Variants in CDKN2A observed in about 807,000 individuals in gnomAD.
CDKN2A encodes the protein cyclin-dependent kinase inhibitor 2A.
In CDKN2A, 3 loss-of-function variants were observed where a neutral mutation model predicts 11.1. The ratio of observed to expected loss-of-function variants is 0.27; its 90% confidence interval spans 0.12 to 0.70. The LOEUF is 0.70. Among genes scored for constraint, CDKN2A ranks in the 30% least tolerant of loss-of-function variants. CDKN2A has a pLI of 0.77. For synonymous variants in CDKN2A, 122 were observed against 108.1 expected (o/e 1.13, Z -0.80); for missense variants, 265 against 233.6 (o/e 1.13, Z -0.88).
At chr9:21,972,772 T>C (rs1819827637) in intron 1 of CDKN2A, among the ~76,000 whole-genome samples, 1 of 152,210 alleles carries the variant, frequency 6.6e-6, no homozygotes, top group African/African-American at 2.4e-5. Context: ...AATTTTAAAA[T>C]ACTGTCTGCA....
Position 21,968,445 on chromosome 9 carries a change from G to C in CDKN2A, c.458-203C>G, listed in dbSNP as rs1819517452. The stretch of plus-strand genomic sequence containing the variant: ...CAGCTAGTCCACTGCCCGCCTGGCT[G>C]CTCCAGGCGCGCCGACCGCTCAAGC... On this transcript the variant is annotated intron_variant, in intron 2 of 2. Transcript: ENST00000304494. This position sits in a 1 kb window ranked among gnomAD's most constrained non-coding sequence, Gnocchi z 4.7. 6.7e-7 allele frequency: 1 copy of C among 1,490,664 alleles called. No homozygotes were observed. The highest frequency in any genetic ancestry group is 8.9e-7 in the Non-Finnish European group (1 of 1,123,224). The allele number at this position is 1,490,664 out of a possible 1,614,324, so 92.3% of individuals were successfully genotyped here.
intron 1 of CDKN2A, chr9:21,994,400 G>A (rs778410708): frequency 1.7e-5 from 27 of 1,606,814 alleles, no homozygotes; most frequent in Admixed American, 3.3e-5. Context: ...GGTGAGCAGC[G>A]CCACTCCTGC....
intron 2 of CDKN2A, chr9:21,989,412 A>G (rs1425507197): frequency 7.2e-5 from 11 of 152,098 alleles, no homozygotes; most frequent in Non-Finnish European, 1.6e-4. Flanking sequence ...AAACATGGGG[A>G]AAGCTGCAAT....
intron 2 of CDKN2A, among the ~76,000 whole-genome samples, chr9:21,980,405 C>A (rs1820142800): frequency 6.6e-6 from 1 of 152,148 alleles, no homozygotes; most frequent in South Asian, 2.1e-4. Context: ...CTGGGATGGG[C>A]ATGTGACTTA....
intron 2 of CDKN2A, among the ~76,000 whole-genome samples, chr9:21,980,695 C>G (rs1820151132): frequency 6.6e-6 from 1 of 151,762 alleles, no homozygotes; most frequent in African/African-American, 2.4e-5. Flanking sequence ...CGCGGTGGCT[C>G]ACGCCTGTAA....
rs560704800 is a variant in CDKN2A at position 21,968,615 on chromosome 9, C to A, written c.458-373G>T. The A allele has an allele frequency of 2.0e-6, 3 of 1,508,858 alleles. No individual in the cohort carries two copies. Among genetic ancestry groups the A allele is most frequent in the Non-Finnish European group, 2.6e-6 (3 of 1,133,238 alleles). The allele number at this position is 1,508,858 out of a possible 1,614,324, so 93.5% of individuals were successfully genotyped here. On this transcript the variant is annotated intron_variant, in intron 2 of 2. Coordinates refer to ENST00000304494, the MANE Select transcript of CDKN2A (RefSeq NM_000077.5). This position sits in a 1 kb window ranked among gnomAD's most constrained non-coding sequence, Gnocchi z 4.7. ...GGCGTGAAGATGTGGCCTTTCCCTTCCCGCATCCCCAGGCATCTTTTGCAC... is the reference window on the plus strand; with the variant it reads ...GGCGTGAAGATGTGGCCTTTCCCTTACCGCATCCCCAGGCATCTTTTGCAC...
Position 21,974,831 on chromosome 9 carries a change from G to T in CDKN2A, c.-4C>A. ...TGCTCCCCGCCGCCGGCTCCATGCT[G>T]CTCCCCGCCGCCCGCTGCCTGCTCT... On this transcript the variant is annotated 5_prime_UTR_variant, in exon 1 of 3. Transcript: ENST00000304494. The surrounding 1 kb of genome is among the most constrained non-coding windows in gnomAD (Gnocchi z 5.2). 1 of 1,581,160 alleles carries T rather than the reference G, an allele frequency of 6.3e-7. No individual in the cohort carries two copies.
chr9:21,969,660 C>T (rs1449367910), intron 2 of CDKN2A: 1 of 397,836 alleles, frequency 2.5e-6, no homozygotes, highest in African/African-American at 2.1e-5. Context: ...TCCCACTTGG[C>T]TCCTCAGGCT....
upstream of CDKN2A, among the ~76,000 whole-genome samples, chr9:21,978,637 G>C (rs991188506): frequency 6.6e-6 from 1 of 151,944 alleles, no homozygotes; most frequent in African/African-American, 2.4e-5. Context: ...TCTTTTTTTA[G>C]ATTTGCACTG....
Position 21,991,707 on chromosome 9 carries a change from G to A in CDKN2A, c.-4+2175C>T, listed in dbSNP as rs756360155. The stretch of plus-strand genomic sequence containing the variant: ...CTGTAAACCATCATAGACGGTAATA[G>A]GCTATGTTGTTGCTACCTTAGGATC... On this transcript the variant is annotated intron_variant, in intron 2 of 3. Transcript: ENST00000494262. This position sits in a 1 kb window ranked among gnomAD's most constrained non-coding sequence, Gnocchi z 5.2. 3.1e-6 allele frequency: 3 copies of A among 982,512 alleles called. No homozygotes were observed. Among genetic ancestry groups the A allele is most frequent in the Non-Finnish European group, 3.6e-6 (3 of 827,388 alleles). The allele number at this position is 982,512 out of a possible 1,614,324, so 60.9% of individuals were successfully genotyped here.
At position 21,968,092 on chromosome 9, in the gene CDKN2A, AT is replaced by A; in HGVS notation, c.*136del. 1.3e-6 allele frequency: 1 copy of A among 794,246 alleles called. No homozygotes were observed. The highest frequency in any genetic ancestry group is 1.4e-5 in the South Asian group (1 of 71,708). 49.2% of individuals were successfully genotyped at this position (794,246 alleles called of 1,614,324 possible). A position where few individuals can be genotyped will look rare whatever the true frequency, so the allele number is the denominator to read the frequency against. ...ATATATCTACGTTAAAAGGCAGGAC[AT>A]TTTTAAAAGCTCTATTTTCTAAATG... On this transcript the variant is annotated 3_prime_UTR_variant, in exon 3 of 3. Transcript: ENST00000304494. This position sits in a 1 kb window ranked among gnomAD's most constrained non-coding sequence, Gnocchi z 4.7.
intron 2 of CDKN2A, 127 bp downstream of exon 2, chr9:21,970,775 C>A: frequency 8.3e-7 from 1 of 1,202,496 alleles, no homozygotes; most frequent in South Asian, 1.3e-5. Context: ...GCCGTCCCAC[C>A]GATTGGCGCG....
At chr9:21,994,511 C>CCCCCACCCCCA in intron 1 of CDKN2A, 1 of 1,331,138 alleles carries the variant, frequency 7.5e-7, no homozygotes, top group Non-Finnish European at 9.9e-7. Flanking sequence ...CCCACCTTCA[C>CCCCCACCCCCA]CCCCACCCCC....
At position 21,974,380 on chromosome 9, in the gene CDKN2A, T is replaced by C. The variant is rs139116263; in HGVS notation, c.150+298A>G. On this transcript the variant is annotated intron_variant, in intron 1 of 2. Transcript: ENST00000304494. The surrounding 1 kb of genome is among the most constrained non-coding windows in gnomAD (Gnocchi z 5.2). The stretch of plus-strand genomic sequence containing the variant: ...CCTTTTTATCCCAAACGTTCGTAAA[T>C]TTTGTATCTGATAAAGAGCATACTT... 2.0e-4 allele frequency: 313 copies of C among 1,554,292 alleles called. 1 individual carries two copies. The East Asian group carries it at 7.2e-3, about 36-fold the overall frequency.
intron 2 of CDKN2A, among the ~76,000 whole-genome samples, chr9:21,985,580 T>C (rs1281716305): frequency 1.3e-5 from 2 of 151,966 alleles, no homozygotes; most frequent in Non-Finnish European, 2.9e-5. Context: ...AGTGATTCCT[T>C]TGGAAATTAT....
rs760065045 is a variant in CDKN2A, at chr9:21,974,770, C to A, written c.58G>T (p.Ala20Ser). ...EPSADWLATA[A>S]ARGRVEEVRA... ...ACCTCCTCTACCCGACCCCGGGCCGCGGCCGTGGCCAGCCAGTCAGCCGAA... is the reference window on the plus strand; with the variant it reads ...ACCTCCTCTACCCGACCCCGGGCCGAGGCCGTGGCCAGCCAGTCAGCCGAA... Residue 20 changes from alanine to serine, a missense_variant, in exon 1 of 3, where the codon GCG becomes TCG. By Grantham distance (99) the Ala-to-Ser change is moderately conservative (BLOSUM62 1). Transcript: ENST00000304494. The surrounding 1 kb of genome is among the most constrained non-coding windows in gnomAD (Gnocchi z 5.2). 2 of 1,607,526 alleles carry A rather than the reference C, an allele frequency of 1.2e-6. No homozygotes were observed. The highest frequency in any genetic ancestry group is 1.7e-6 in the Non-Finnish European group (2 of 1,179,010).
At chr9:21,972,247 C>T (rs1467123986) in intron 1 of CDKN2A, among the ~76,000 whole-genome samples, 1 of 152,072 alleles carries the variant, frequency 6.6e-6, no homozygotes, top group Non-Finnish European at 1.5e-5. Flanking sequence ...AATGCCCCCC[C>T]ACCCCCAATG....
Position 21,971,197 on chromosome 9 carries a change from C to T in CDKN2A, c.162G>A (p.Met54Ile), listed in dbSNP as rs776792523. ...YGRRPIQVMMMGSARVAELLL... is the reference protein window; with the variant it reads ...YGRRPIQVMMIGSARVAELLL... The stretch of plus-strand genomic sequence containing the variant: ...GCAGCTCCGCCACTCGGGCGCTGCC[C>T]ATCATCATGACCTGCCAGAGAGAAC... The change falls in exon 2 of 3, where the codon ATG becomes ATA. Residue 54 changes from methionine to isoleucine, a missense_variant. Transcript: ENST00000304494. The T allele has an allele frequency of 6.3e-7, 1 of 1,597,758 alleles. No homozygotes were observed. Among genetic ancestry groups the T allele is most frequent in the Admixed American group, 1.7e-5 (1 of 59,888 alleles).
At chr9:21,989,496 C>G (rs1302284450) in intron 2 of CDKN2A, 1 of 152,158 alleles carries the variant, frequency 6.6e-6, no homozygotes, top group African/African-American at 2.4e-5. Context: ...ATCCTGCACC[C>G]CCAGATGGAG....
Sources: gnomAD v4.1 joint callset for allele counts (sites outside exome capture counted in the v4.1 genomes callset) on GRCh38, gnomAD v4.1.1 for gene constraint, Gnocchi (gnomAD v3.1) non-coding constraint, MANE v1.5 for transcripts, NCBI Gene and HGNC (gene_info 2026-07-23, HGNC 2026-07-21) for gene names.